The following NCOR1 variants were observed in gnomAD, a reference collection of about 807,000 sequenced individuals.
The protein encoded by NCOR1 is protein phosphatase 1, regulatory subunit 109.
Under a neutral mutation model 288.1 loss-of-function variants are expected in NCOR1, and 63 were observed. That is an observed-to-expected ratio of 0.22 (90% confidence interval 0.18 to 0.27). NCOR1 has a LOEUF of 0.27. NCOR1 is among the 10% of genes least tolerant of loss of function. NCOR1 has a pLI of 1.00. For missense variants in NCOR1, 2,397 were observed against 3,019.2 expected (o/e 0.79, Z 4.83); for synonymous variants, 1,007 against 1,065.9 (o/e 0.94, Z 1.08).
intron 41 of NCOR1, among the ~76,000 whole-genome samples, chr17:16,047,436 TA>T (rs2058799283): frequency 6.6e-6 from 1 of 152,172 alleles, no homozygotes; most frequent in African/African-American, 2.4e-5. Flanking sequence ...CAAACACTGA[TA>T]TATTAATGGT....
At chr17:16,190,870 AAATGAGG>A (rs2088100797) in intron 2 of NCOR1, among the ~76,000 whole-genome samples, 1 of 152,238 alleles carries the variant, frequency 6.6e-6, no homozygotes, top group East Asian at 1.9e-4. Flanking sequence ...GAAATGAAGC[AAATGAGG>A]TAAGCCCTAC....
intron 23 of NCOR1, among the ~76,000 whole-genome samples, chr17:16,083,206 C>A (rs1415673017): frequency 2.0e-5 from 3 of 151,362 alleles, no homozygotes; most frequent in Non-Finnish European, 2.9e-5. Flanking sequence ...GCACTCCAGC[C>A]TGGGCAACAG....
intron 2 of NCOR1, among the ~76,000 whole-genome samples, chr17:16,189,705 A>C (rs2087679999): frequency 1.3e-5 from 2 of 152,196 alleles, no homozygotes. Flanking sequence ...TTAAGGAAAA[A>C]ACTGGATGTA....
intron 6 of NCOR1, among the ~76,000 whole-genome samples, chr17:16,156,757 G>A (rs981991341): frequency 2.6e-5 from 4 of 151,924 alleles, no homozygotes; most frequent in African/African-American, 9.7e-5. Context: ...TGTGCACCAA[G>A]AAACACTATA....
At chr17:16,076,150 G>C (rs1232977644) in intron 26 of NCOR1, among the ~76,000 whole-genome samples, 2 of 152,286 alleles carry the variant, frequency 1.3e-5, no homozygotes, top group African/African-American at 4.8e-5. Context: ...TCTGAATGTA[G>C]TTACGCAATA....
In NCOR1 at chr17:16,071,677, A is replaced by T. The variant is rs1312664328; in HGVS notation, c.3896-12T>A. ...TGCTCTTGGTGTCCCTTGAAAAAGA[A>T]TTCAGGAAACATTAAAATAATGCTG... On this transcript the variant is annotated splice_polypyrimidine_tract_variant and intron_variant, in intron 29 of 45. Transcript: ENST00000268712. 4 of 1,605,396 alleles carry T rather than the reference A, an allele frequency of 2.5e-6. No homozygotes were observed. Among genetic ancestry groups the T allele is most frequent in the Non-Finnish European group, 3.4e-6 (4 of 1,175,832 alleles).
chr17:16,090,120 C>G (rs1245179666), intron 22 of NCOR1, among the ~76,000 whole-genome samples: 3 of 152,010 alleles, frequency 2.0e-5, no homozygotes, highest in Admixed American at 1.3e-4. Flanking sequence ...ATTTGGGGCT[C>G]CAGCCTGGTT....
chr17:16,146,324 C>G, intron 10 of NCOR1, 52 bp downstream of exon 10: 1 of 1,504,150 alleles, frequency 6.6e-7, no homozygotes. Flanking sequence ...AAAAAAGAAA[C>G]AATAAATATT....
chr17:16,074,154 G>C (rs893274600), intron 27 of NCOR1, among the ~76,000 whole-genome samples: 2 of 152,074 alleles, frequency 1.3e-5, no homozygotes, highest in Admixed American at 1.3e-4. Context: ...TAAATATAGG[G>C]GACTAAAGGG....
intron 11 of NCOR1, among the ~76,000 whole-genome samples, chr17:16,141,316 G>A (rs2077124883): frequency 2.0e-5 from 3 of 152,166 alleles, no homozygotes; most frequent in South Asian, 2.1e-4. Context: ...AATCACCTTG[G>A]AATCCTCTCT....
chr17:16,127,471 G>A (rs2074658801), intron 14 of NCOR1, among the ~76,000 whole-genome samples: 1 of 144,800 alleles, frequency 6.9e-6, no homozygotes, highest in South Asian at 2.1e-4. Context: ...ACGTGTATGT[G>A]TATATATACA....
At chr17:16,166,287 T>A (rs2081986258) in intron 4 of NCOR1, among the ~76,000 whole-genome samples, 1 of 152,198 alleles carries the variant, frequency 6.6e-6, no homozygotes, top group African/African-American at 2.4e-5. Context: ...ATACAGTCAA[T>A]CTTTGGCAGC....
intron 1 of NCOR1, among the ~76,000 whole-genome samples, chr17:16,199,227 A>ACACC: frequency 6.7e-6 from 1 of 149,518 alleles, no homozygotes; most frequent in Non-Finnish European, 1.5e-5. Flanking sequence ...ACACACACAC[A>ACACC]CACACACACA....
intron 5 of NCOR1, among the ~76,000 whole-genome samples, chr17:16,164,027 T>C (rs533245969): frequency 6.6e-6 from 1 of 151,626 alleles, no homozygotes; most frequent in African/African-American, 2.4e-5. Flanking sequence ...AGGTATGGAG[T>C]TTCTTTTTGA....
intron 21 of NCOR1, among the ~76,000 whole-genome samples, chr17:16,098,053 T>G (rs1053750444): frequency 6.6e-6 from 1 of 152,198 alleles, no homozygotes; most frequent in Non-Finnish European, 1.5e-5. Context: ...AAACTGTGTG[T>G]TAAATTCATA....
At chr17:16,200,659 T>G (rs2090669117) in intron 1 of NCOR1, among the ~76,000 whole-genome samples, 1 of 152,156 alleles carries the variant, frequency 6.6e-6, no homozygotes, top group African/African-American at 2.4e-5. Flanking sequence ...TATGTAATTT[T>G]TACGTGATAA....
chr17:16,046,070 C>T (rs895925639), intron 42 of NCOR1, among the ~76,000 whole-genome samples: 3 of 152,164 alleles, frequency 2.0e-5, no homozygotes, highest in African/African-American at 7.2e-5. Flanking sequence ...GCCTTGGCCT[C>T]CCAAAGTGTT....
At chr17:16,051,210 T>C (rs1015641277) in intron 40 of NCOR1, among the ~76,000 whole-genome samples, 16 of 152,202 alleles carry the variant, frequency 1.1e-4, no homozygotes, top group African/African-American at 3.6e-4. Context: ...TTTTTAAAAA[T>C]GAAGAAATTA....
intron 21 of NCOR1, among the ~76,000 whole-genome samples, chr17:16,096,616 T>C (rs1019127003): frequency 2.0e-5 from 3 of 152,202 alleles, no homozygotes; most frequent in Non-Finnish European, 4.4e-5. Context: ...GCATTATATT[T>C]CTTTTTTTTT....
Sources: allele counts gnomAD v4.1 joint callset (sites outside exome capture counted in the v4.1 genomes callset), GRCh38; gene constraint gnomAD v4.1.1; transcripts MANE v1.5; gene names NCBI Gene and HGNC (gene_info 2026-07-23, HGNC 2026-07-21).